SOS1: variants seen among roughly 807,000 people sequenced by gnomAD.
The protein encoded by SOS1 is son of sevenless homolog 1.
A neutral mutation model predicts 157.6 loss-of-function variants in SOS1; 25 were observed. The observed-to-expected ratio is 0.16, with a 90% CI of 0.12 to 0.22. The LOEUF (loss-of-function observed/expected upper bound fraction) is 0.22. Ranked by LOEUF, SOS1 falls within the 10% of genes least tolerant of loss-of-function variation. The pLI, the probability that SOS1 is intolerant of heterozygous loss-of-function variation, is 1.00. For synonymous variants in SOS1, 528 were observed against 534.0 expected (o/e 0.99, Z 0.16); for missense variants, 1,237 against 1,599.1 (o/e 0.77, Z 3.86).
chr2:39,118,319 A>C (rs1445951464), intron 1 of SOS1, among the ~76,000 whole-genome samples: 1 of 152,230 alleles, frequency 6.6e-6, no homozygotes, highest in Non-Finnish European at 1.5e-5. Flanking sequence ...TCAAAGGAAG[A>C]AATCAAGATA....
Position 38,986,033 on chromosome 2 carries a change from A to C in SOS1, c.3793T>G (p.Ser1265Ala), listed in dbSNP as rs886056023. 6.2e-7 allele frequency: 1 copy of C among 1,613,624 alleles called. No individual in the cohort carries two copies. The highest frequency in any genetic ancestry group is 8.5e-7 in the Non-Finnish European group (1 of 1,179,816). ...PFTPPPPQTPSPHGTRRHLPS... is the reference protein window; with the variant it reads ...PFTPPPPQTPAPHGTRRHLPS... ...AGATGCCTTCTTGTGCCGTGAGGAG[A>C]AGGTGTTTGAGGAGGAGGTGGTGTA... Residue 1265 changes from serine to alanine, a missense_variant, in exon 23 of 23, where the codon TCT becomes GCT. By Grantham distance (99) the Ser-to-Ala change is moderately conservative (BLOSUM62 1). Around this residue, in one of 15 missense-constraint regions of SOS1, gnomAD observed 306 missense variants for 322.6 expected, o/e 0.95. Coordinates refer to ENST00000402219, the MANE Select transcript of SOS1 (RefSeq NM_005633.4).
intron 1 of SOS1, among the ~76,000 whole-genome samples, chr2:39,106,184 TACACACACACAC>T (rs35147616): frequency 1.5e-4 from 22 of 148,220 alleles, no homozygotes; most frequent in Non-Finnish European, 1.9e-4. Flanking sequence ...TGTGCTACTG[TACACACACACAC>T]ACACACACAC....
At chr2:39,111,817 C>T (rs1353256390) in intron 1 of SOS1, among the ~76,000 whole-genome samples, 1 of 151,652 alleles carries the variant, frequency 6.6e-6, no homozygotes, top group Non-Finnish European at 1.5e-5. Context: ...GCAACCTCCA[C>T]CTCCAGGTTT....
At chr2:39,124,037 G>A (rs1673988784), upstream of SOS1, 1 of 152,324 alleles carries the variant, frequency 6.6e-6, no homozygotes, top group South Asian at 2.1e-4. Context: ...TAGACAGGGC[G>A]GGTAACTGGA....
intron 1 of SOS1, among the ~76,000 whole-genome samples, chr2:39,089,104 T>C (rs1672485855): frequency 2.0e-5 from 3 of 152,188 alleles, no homozygotes. Flanking sequence ...AAAACACCTC[T>C]CGTGATACTG....
At chr2:39,003,779 G>T (rs1669189646) in intron 17 of SOS1, among the ~76,000 whole-genome samples, 1 of 152,052 alleles carries the variant, frequency 6.6e-6, no homozygotes, top group African/African-American at 2.4e-5. Context: ...AAGGACTGAA[G>T]AAACCCTGAA....
intron 8 of SOS1, among the ~76,000 whole-genome samples, chr2:39,033,563 G>A (rs1466613191): frequency 1.3e-5 from 2 of 151,954 alleles, no homozygotes; most frequent in Admixed American, 1.3e-4. Context: ...TGAGACAGGG[G>A]CTTGCTCTGT....
intron 1 of SOS1, among the ~76,000 whole-genome samples, chr2:39,112,280 A>G (rs1673469740): frequency 6.6e-6 from 1 of 151,042 alleles, no homozygotes; most frequent in Non-Finnish European, 1.5e-5. Flanking sequence ...CCACCAGATC[A>G]ACCCTACTCT....
chr2:39,008,137 TGAG>T (rs1669339827), intron 15 of SOS1, among the ~76,000 whole-genome samples: 1 of 152,196 alleles, frequency 6.6e-6, no homozygotes, highest in Admixed American at 6.5e-5. Flanking sequence ...TGAGTGCAGC[TGAG>T]AAGTAGGAAT....
intron 21 of SOS1, among the ~76,000 whole-genome samples, chr2:38,988,699 AT>A (rs1194604695): frequency 3.3e-5 from 5 of 152,188 alleles, no homozygotes; most frequent in Non-Finnish European, 5.9e-5. Flanking sequence ...CAGCAAAAAA[AT>A]ATTAGCTTAA....
chr2:39,012,302 T>C lies in SOS1; in HGVS notation c.2214A>G (p.Gln738=). 6.2e-7 allele frequency: 1 copy of C among 1,613,032 alleles called. No individual in the cohort carries two copies. Among genetic ancestry groups the C allele is most frequent in the Non-Finnish European group, 8.5e-7 (1 of 1,179,110 alleles). The change falls in exon 14 of 23, where the codon CAA becomes CAG. Residue 738 remains glutamine, a synonymous_variant. Coordinates refer to ENST00000402219, the MANE Select transcript of SOS1 (RefSeq NM_005633.4). ...CATTGTCTCTTGCAATTTTTTTCCTTTGGATTATTTTAGTGATGGATTCAA... is the reference window on the plus strand; with the variant it reads ...CATTGTCTCTTGCAATTTTTTTCCTCTGGATTATTTTAGTGATGGATTCAA... ...KWVESITKII[Q]RKKIARDNGP...
chr2:39,037,219 G>A (rs1174512977), intron 6 of SOS1, among the ~76,000 whole-genome samples: 1 of 152,192 alleles, frequency 6.6e-6, no homozygotes, highest in Non-Finnish European at 1.5e-5. Flanking sequence ...TGATAGTAAA[G>A]TTTCAAAAAC....
In SOS1 at chr2:39,013,995, A is replaced by G. The variant is rs762622353; in HGVS notation, c.1941-6T>C. 1 of 1,595,478 alleles carries G rather than the reference A, an allele frequency of 6.3e-7. No homozygotes were observed. Among genetic ancestry groups the G allele is most frequent in the South Asian group, 1.1e-5 (1 of 90,704 alleles). On this transcript the variant is annotated splice_region_variant and splice_polypyrimidine_tract_variant and intron_variant, in intron 11 of 22. Transcript: ENST00000402219. The stretch of plus-strand genomic sequence containing the variant: ...CAGGCTCTGGAATTTCAAACCTAAC[A>G]TAAAATAGAACAAATTAATGAAAAG...
chr2:38,988,536 T>C (rs911398841), intron 21 of SOS1, among the ~76,000 whole-genome samples: 1 of 152,168 alleles, frequency 6.6e-6, no homozygotes, highest in Non-Finnish European at 1.5e-5. Flanking sequence ...TGTCACATGT[T>C]ATAAAATATA....
chr2:39,019,450 C>G (rs549409403), intron 10 of SOS1, among the ~76,000 whole-genome samples: 6 of 151,846 alleles, frequency 4.0e-5, no homozygotes, highest in African/African-American at 1.4e-4. Flanking sequence ...AGGAAATAGT[C>G]TCTTCATACC....
rs10166395 is a variant in SOS1 at position 38,983,980 on chromosome 2, T to C, written c.*1844A>G. On this transcript the variant is annotated 3_prime_UTR_variant, in exon 23 of 23. Transcript: ENST00000402219. ...CAATTCTAACAAATAAATAAGAAAA[T>C]AGGATAGACTGCTTAATGATGGTGC... 0.81 allele frequency: 123,382 copies of C among 152,140 alleles called. 52,151 individuals are homozygous for C. Among genetic ancestry groups the C allele is most frequent in the Non-Finnish European group, 0.92 (62,775 of 68,000 alleles). 9.4% of individuals were successfully genotyped at this position (152,140 alleles called of 1,614,324 possible).
chr2:39,022,346 C>T (rs1300922937), intron 10 of SOS1, among the ~76,000 whole-genome samples: 1 of 151,820 alleles, frequency 6.6e-6, no homozygotes, highest in Non-Finnish European at 1.5e-5. Context: ...CAAGTGACCT[C>T]ATTTTCTCAT....
chr2:39,031,771 G>A (rs1321499375), intron 8 of SOS1, among the ~76,000 whole-genome samples: 3 of 151,948 alleles, frequency 2.0e-5, no homozygotes, highest in Non-Finnish European at 2.9e-5. Context: ...TATTTACTTA[G>A]CCCCAAGAAA....
chr2:39,057,811 T>G (rs959088082), intron 3 of SOS1, among the ~76,000 whole-genome samples: 21 of 152,182 alleles, frequency 1.4e-4, no homozygotes, highest in African/African-American at 4.8e-4. Context: ...TTCAAAGAAC[T>G]GAATGCAAAA....
Sources: gnomAD v4.1 joint callset for allele counts (sites outside exome capture counted in the v4.1 genomes callset) on GRCh38, gnomAD v4.1.1 for gene constraint, gnomAD v4.1.1 regional missense constraint, MANE v1.5 for transcripts, NCBI Gene and HGNC (gene_info 2026-07-23, HGNC 2026-07-21) for gene names.